Variants in KCNT2 observed in about 807,000 individuals in gnomAD.
KCNT2 encodes potassium sodium-activated channel subfamily T member 2, also known as potassium channel subfamily T member 2.
In KCNT2, 67 loss-of-function variants were observed where a neutral mutation model predicts 153.8. The ratio of observed to expected loss-of-function variants is 0.44; its 90% confidence interval spans 0.36 to 0.53. KCNT2 has a LOEUF of 0.53. KCNT2 is among the 20% of genes least tolerant of loss of function. The pLI is 0.00. For synonymous variants in KCNT2, 500 were observed against 458.8 expected, an observed-to-expected ratio of 1.09 and a Z score of -1.15; for missense variants, 975 against 1,354.8, an observed-to-expected ratio of 0.72 and a Z score of 4.40.
Position 196,319,516 on chromosome 1 carries a change from T to C in KCNT2, c.2316A>G (p.Pro772=). ...MHFLDAICWF[P]MVYYMVGSID... ...TAGAGCCCACCATGTAGTAAACCATTGGAAACCAACAGATTGCATCCAGAA... is the reference window on the plus strand; with the variant it reads ...TAGAGCCCACCATGTAGTAAACCATCGGAAACCAACAGATTGCATCCAGAA... The change falls in exon 20 of 28, where the codon CCA becomes CCG. Residue 772 remains proline (P), a synonymous_variant. Transcript: ENST00000294725. 2.5e-6 allele frequency: 4 copies of C among 1,610,394 alleles called. No homozygotes were observed. Among genetic ancestry groups the C allele is most frequent in the Non-Finnish European group, 3.4e-6 (4 of 1,177,584 alleles).
chr1:196,532,496 A>G (rs1438786095), intron 1 of KCNT2, among the ~76,000 whole-genome samples: 1 of 151,926 alleles, frequency 6.6e-6, no homozygotes, highest in Non-Finnish European at 1.5e-5. Context: ...AACAAGAGAA[A>G]AGTTACATAT....
intron 1 of KCNT2, among the ~76,000 whole-genome samples, chr1:196,565,522 T>C (rs1334938904): frequency 6.6e-6 from 1 of 151,626 alleles, no homozygotes; most frequent in South Asian, 2.1e-4. Context: ...AGCCAAGATA[T>C]GGAATCCACC....
intron 12 of KCNT2, among the ~76,000 whole-genome samples, chr1:196,421,583 C>G (rs952375050): frequency 6.6e-6 from 1 of 151,988 alleles, no homozygotes; most frequent in Non-Finnish European, 1.5e-5. Flanking sequence ...TCAGTCTGAT[C>G]TGAATTAAGG....
chr1:196,340,551 C>A lies in KCNT2; in HGVS notation c.1573G>T (p.Gly525Cys). The A allele has an allele frequency of 1.3e-6, 2 of 1,569,366 alleles. No individual in the cohort carries two copies. The highest frequency in any genetic ancestry group is 2.3e-5 in the East Asian group (1 of 43,938). The change falls in exon 16 of 28, where the codon GGT becomes TGT. Residue 525 changes from glycine to cysteine, a missense_variant. Physicochemically the swap from Gly to Cys is radical, Grantham distance 159 (BLOSUM62 -3). Coordinates refer to ENST00000294725, the MANE Select transcript of KCNT2 (RefSeq NM_198503.5). ...AHKKFGVCLI[G>C]VRREDNKNIL... Reference sequence around the variant, plus strand: ...TTTTTATTATCCTCCCTCCTAACACCAATCAAGCAGACGCCAAACCTTAAT... The same window carrying A: ...TTTTTATTATCCTCCCTCCTAACACAAATCAAGCAGACGCCAAACCTTAAT...
At chr1:196,428,354 T>G in intron 9 of KCNT2, 85 bp from the exon 10 acceptor site, 1 of 954,000 alleles carries the variant, frequency 1.0e-6, no homozygotes, top group Non-Finnish European at 1.6e-6. Flanking sequence ...TTATTAGGTA[T>G]TTTCAATTTC....
chr1:196,375,087 TA>T (rs996770607), intron 13 of KCNT2, among the ~76,000 whole-genome samples: 27 of 151,534 alleles, frequency 1.8e-4, no homozygotes, highest in African/African-American at 6.3e-4. Flanking sequence ...GTTAAAAAAG[TA>T]AAAAAAATAA....
Position 196,269,775 on chromosome 1 carries a change from T to C in KCNT2, c.2910+11085A>G, listed in dbSNP as rs578073330. Among the ~76,000 whole-genome samples the C allele has an allele frequency of 2.8e-4, 43 of 152,124 alleles. 1 individual carries two copies. The highest frequency in any genetic ancestry group is 3.5e-4 in the Non-Finnish European group (24 of 68,008). ...CAATGCTTATGGCGGAAGTTTCAAA[T>C]ACAGGTCATGCATCTTGCATTCATA... On this transcript the variant is annotated intron_variant, in intron 25 of 27. Coordinates refer to ENST00000294725, the MANE Select transcript of KCNT2 (RefSeq NM_198503.5).
At chr1:196,400,894 T>C (rs955917814) in intron 12 of KCNT2, among the ~76,000 whole-genome samples, 1 of 151,756 alleles carries the variant, frequency 6.6e-6, no homozygotes, top group East Asian at 2.0e-4. Context: ...ATGTTATAAT[T>C]TCCCTGTTTT....
Position 196,475,608 on chromosome 1 carries a change from CA to C in KCNT2, c.384+3570del, listed in dbSNP as rs568021216. ...GAGCAACAGAGTGAGAACCTTGTCT[CA>C]AAAAAAAAAAATCTAACTTGAAGGA... On this transcript the variant is annotated intron_variant, in intron 5 of 27. Coordinates refer to ENST00000294725, the MANE Select transcript of KCNT2 (RefSeq NM_198503.5). 2.8e-3 allele frequency among the ~76,000 whole-genome samples: 390 copies of C among 140,482 alleles called. 2 individuals are homozygous for C. Among genetic ancestry groups the C allele is most frequent in the African/African-American group, 6.5e-3 (252 of 38,486 alleles). 92.2% of individuals were successfully genotyped at this position (140,482 alleles called of 152,430 possible). A position where few individuals can be genotyped will look rare whatever the true frequency, so the allele number is the denominator to read the frequency against.
At position 196,258,510 on chromosome 1, in the gene KCNT2, A is replaced by G; in HGVS notation, c.2911-16T>C. On this transcript the variant is annotated splice_polypyrimidine_tract_variant and intron_variant, in intron 25 of 27. Coordinates refer to ENST00000294725, the MANE Select transcript of KCNT2 (RefSeq NM_198503.5). ...ATATTTGAGACTTTAAAGGAAATAG[A>G]TATTGATAATTAGATACTTTAGAAA... 7.2e-7 allele frequency: 1 copy of G among 1,393,372 alleles called. No homozygotes were observed. Among genetic ancestry groups the G allele is most frequent in the Non-Finnish European group, 1.0e-6 (1 of 1,002,120 alleles). The allele number at this position is 1,393,372 out of a possible 1,614,324, so 86.3% of individuals were successfully genotyped here. A position where few individuals can be genotyped will look rare whatever the true frequency, so the allele number is the denominator to read the frequency against.
chr1:196,265,701 A>T (rs138932987), intron 25 of KCNT2, among the ~76,000 whole-genome samples: 4 of 152,184 alleles, frequency 2.6e-5, no homozygotes, highest in Non-Finnish European at 5.9e-5. Flanking sequence ...CACTCCTAAA[A>T]GGAGATAGCT....
At chr1:196,493,004 T>C (rs1420097757) in intron 1 of KCNT2, among the ~76,000 whole-genome samples, 1 of 152,160 alleles carries the variant, frequency 6.6e-6, no homozygotes, top group Non-Finnish European at 1.5e-5. Context: ...TGATCCACTA[T>C]ACAATAATAT....
Position 196,467,696 on chromosome 1 carries a change from T to C in KCNT2, c.543+7A>G, listed in dbSNP as rs193222129. On this transcript the variant is annotated splice_region_variant and intron_variant, in intron 7 of 27. Coordinates refer to ENST00000294725, the MANE Select transcript of KCNT2 (RefSeq NM_198503.5). ...TTTTCATATTTGCACTTTAATTCTA[T>C]ACTTACAATCATATTTTCCAAGGCA... 3 of 1,555,108 alleles carry C rather than the reference T, an allele frequency of 1.9e-6. No homozygotes were observed. Among genetic ancestry groups the C allele is most frequent in the African/African-American group, 2.7e-5 (2 of 73,752 alleles).
intron 26 of KCNT2, among the ~76,000 whole-genome samples, chr1:196,255,859 T>C (rs1435202534): frequency 6.6e-6 from 1 of 150,504 alleles, no homozygotes; most frequent in Non-Finnish European, 1.5e-5. Flanking sequence ...TGAGAATTTG[T>C]ATGACTTGAT....
chr1:196,547,066 T>C (rs1481004433), intron 1 of KCNT2, among the ~76,000 whole-genome samples: 1 of 151,940 alleles, frequency 6.6e-6, no homozygotes, highest in Non-Finnish European at 1.5e-5. Context: ...TATATACCCA[T>C]GGGATTTAGC....
intron 26 of KCNT2, among the ~76,000 whole-genome samples, chr1:196,243,882 G>C (rs1039225413): frequency 6.6e-6 from 1 of 152,040 alleles, no homozygotes; most frequent in Non-Finnish European, 1.5e-5. Flanking sequence ...GGGAGTGCTT[G>C]TGCCACCCCT....
At chr1:196,299,355 C>G (rs1421388212) in intron 22 of KCNT2, among the ~76,000 whole-genome samples, 2 of 148,544 alleles carry the variant, frequency 1.3e-5, no homozygotes, top group African/African-American at 2.5e-5. Flanking sequence ...ACAAGGATAA[C>G]GTAAAAAAAA....
chr1:196,494,115 ACTT>A (rs1680065672), intron 1 of KCNT2, among the ~76,000 whole-genome samples: 1 of 152,144 alleles, frequency 6.6e-6, no homozygotes, highest in Non-Finnish European at 1.5e-5. Flanking sequence ...CAGAAACAAA[ACTT>A]CATCGGTGTC....
chr1:196,424,200 A>T (rs533177955), intron 11 of KCNT2, among the ~76,000 whole-genome samples: 2 of 152,000 alleles, frequency 1.3e-5, no homozygotes, highest in Admixed American at 6.6e-5. Context: ...GACTATTGGT[A>T]ATAAATTAGT....
Sources: allele counts gnomAD v4.1 joint callset (sites outside exome capture counted in the v4.1 genomes callset), GRCh38; gene constraint gnomAD v4.1.1; transcripts MANE v1.5; gene names NCBI Gene and HGNC (gene_info 2026-07-23, HGNC 2026-07-21).